DLG2: variants seen among roughly 807,000 people sequenced by gnomAD.
DLG2 encodes discs large MAGUK scaffold protein 2, also known as disks large homolog 2.
A neutral mutation model predicts 132.5 loss-of-function variants in DLG2; 45 were observed. The ratio of observed to expected loss-of-function variants is 0.34; its 90% CI spans 0.27 to 0.44. The LOEUF (loss-of-function observed/expected upper bound fraction) is 0.44. Among genes scored for constraint, DLG2 ranks in the 20% least tolerant of loss-of-function variants. DLG2 has a pLI of 1.00. For missense variants in DLG2, 1,045 were observed against 1,196.9 expected (o/e 0.87, Z 1.87); for synonymous variants, 424 against 419.6 (o/e 1.01, Z -0.13).
At chr11:84,160,388 T>G (rs2095520132) in intron 9 of DLG2, among the ~76,000 whole-genome samples, 1 of 152,180 alleles carries the variant, frequency 6.6e-6, no homozygotes, top group South Asian at 2.1e-4. Flanking sequence ...AGAAGTCAGT[T>G]AGGTCTGAGA....
chr11:85,009,583 A>G (rs1483784707), intron 6 of DLG2, among the ~76,000 whole-genome samples: 1 of 152,130 alleles, frequency 6.6e-6, no homozygotes, highest in African/African-American at 2.4e-5. Flanking sequence ...TACTCCTCAA[A>G]TTCATTTAAT....
chr11:84,094,385 A>C (rs1158569257), intron 10 of DLG2, among the ~76,000 whole-genome samples: 1 of 152,184 alleles, frequency 6.6e-6, no homozygotes, highest in East Asian at 1.9e-4. Context: ...ATAACCACTA[A>C]TTTAGAGTTC....
intron 3 of DLG2, among the ~76,000 whole-genome samples, chr11:85,522,996 G>T (rs1279458700): frequency 6.6e-6 from 1 of 152,186 alleles, no homozygotes; most frequent in Non-Finnish European, 1.5e-5. Flanking sequence ...TGAGATTTGG[G>T]AGGAGACAGG....
At chr11:84,227,188 G>C (rs2097012304) in intron 8 of DLG2, among the ~76,000 whole-genome samples, 1 of 152,024 alleles carries the variant, frequency 6.6e-6, no homozygotes, top group South Asian at 2.1e-4. Flanking sequence ...CATGGAGGAG[G>C]TGGCATTTCA....
Position 83,685,490 on chromosome 11 carries a change from G to C in DLG2, c.1826-52165C>G, listed in dbSNP as rs1426160509. On this transcript the variant is annotated intron_variant, in intron 18 of 27. Transcript: ENST00000376104. ...CTGAATCGATCATTGTCTCTGTTTG[G>C]TTATCAAGACCCCCTTGGTTTTTCT... Among the ~76,000 whole-genome samples the C allele has an allele frequency of 4.6e-5, 7 of 152,054 alleles. No individual in the cohort carries two copies. The East Asian group carries it at 1.2e-3, about 25-fold the overall frequency.
chr11:84,414,268 T>C (rs1251313154), intron 7 of DLG2, among the ~76,000 whole-genome samples: 2 of 152,228 alleles, frequency 1.3e-5, no homozygotes, highest in Non-Finnish European at 2.9e-5. Context: ...CATTTTATTA[T>C]AATCATTATT....
chr11:85,173,013 G>C (rs994045986), intron 4 of DLG2, among the ~76,000 whole-genome samples: 1 of 152,212 alleles, frequency 6.6e-6, no homozygotes, highest in African/African-American at 2.4e-5. Flanking sequence ...ACCTGAAAGA[G>C]ACAAGGAGAA....
intron 16 of DLG2, among the ~76,000 whole-genome samples, chr11:83,849,343 C>T (rs1516620): frequency 0.61 from 89,702 of 148,156 alleles, 27,334 homozygotes; most frequent in Middle Eastern, 0.67. Flanking sequence ...AAATAATAAA[C>T]AAATAAAAAA....
At chr11:84,206,305 C>T (rs1043613123) in intron 8 of DLG2, among the ~76,000 whole-genome samples, 2 of 152,046 alleles carry the variant, frequency 1.3e-5, no homozygotes, top group Non-Finnish European at 2.9e-5. Flanking sequence ...CTTGTAAATT[C>T]TACCAAATAT....
intron 6 of DLG2, among the ~76,000 whole-genome samples, chr11:85,049,357 A>G (rs548838344): frequency 1.3e-5 from 2 of 152,192 alleles, no homozygotes; most frequent in South Asian, 2.1e-4. Flanking sequence ...GTAAAGATCT[A>G]TCTGCTGTGT....
chr11:85,185,395 A>G (rs1388886201), intron 4 of DLG2, among the ~76,000 whole-genome samples: 2 of 152,008 alleles, frequency 1.3e-5, no homozygotes, highest in African/African-American at 2.4e-5. Context: ...AAATTTGGAT[A>G]TTTAGGAAGT....
Position 83,859,666 on chromosome 11 carries a change from G to T in DLG2, c.1565+14754C>A, listed in dbSNP as rs2061119948. On this transcript the variant is annotated intron_variant, in intron 16 of 27. Coordinates refer to ENST00000376104, the MANE Select transcript of DLG2 (RefSeq NM_001142699.3). ...TAGAAAAGAAAATCTCATTTTCTGA[G>T]GAGAAATTTAAGCCAGCTGCAGAAA... Among the ~76,000 whole-genome samples, 6 of 152,194 alleles carry T rather than the reference G, an allele frequency of 3.9e-5. No individual in the cohort carries two copies. In the South Asian group the frequency reaches 1.2e-3, roughly 32 times the overall value.
intron 7 of DLG2, among the ~76,000 whole-genome samples, chr11:84,393,893 TG>T (rs2098801730): frequency 6.6e-6 from 1 of 152,192 alleles, no homozygotes; most frequent in African/African-American, 2.4e-5. Flanking sequence ...CAATTTTTTT[TG>T]TTGTTTGTTT....
At chr11:83,644,560 T>A (rs2067559038) in intron 18 of DLG2, among the ~76,000 whole-genome samples, 1 of 152,112 alleles carries the variant, frequency 6.6e-6, no homozygotes, top group African/African-American at 2.4e-5. Flanking sequence ...TTCCTATTTA[T>A]CATATTAATA....
intron 4 of DLG2, among the ~76,000 whole-genome samples, chr11:85,217,255 A>G (rs1055691762): frequency 3.3e-5 from 5 of 151,548 alleles, no homozygotes; most frequent in Admixed American, 1.3e-4. Flanking sequence ...CAATCCTTTA[A>G]AGGTCACACT....
At chr11:85,360,348 G>T (rs2084051445) in intron 3 of DLG2, among the ~76,000 whole-genome samples, 1 of 152,136 alleles carries the variant, frequency 6.6e-6, no homozygotes, top group African/African-American at 2.4e-5. Flanking sequence ...TGTAGGAGGA[G>T]AATAATATTA....
At chr11:85,135,487 GCAGA>G (rs1034778899) in intron 5 of DLG2, among the ~76,000 whole-genome samples, 1 of 152,174 alleles carries the variant, frequency 6.6e-6, no homozygotes, top group African/African-American at 2.4e-5. Context: ...TTGCAGAGAG[GCAGA>G]CACTTAGAGA....
At chr11:83,872,485 A>G (rs1267427449) in intron 16 of DLG2, among the ~76,000 whole-genome samples, 1 of 152,210 alleles carries the variant, frequency 6.6e-6, no homozygotes, top group African/African-American at 2.4e-5. Context: ...GGGACAATAG[A>G]TCACTATGAA....
chr11:84,653,034 T>A (rs2099684008), intron 6 of DLG2, among the ~76,000 whole-genome samples: 1 of 151,348 alleles, frequency 6.6e-6, no homozygotes, highest in Non-Finnish European at 1.5e-5. Context: ...CGGGTCCAAG[T>A]GATTCCTGCC....
Sources: gnomAD v4.1 joint callset for allele counts (sites outside exome capture counted in the v4.1 genomes callset) on GRCh38, gnomAD v4.1.1 for gene constraint, MANE v1.5 for transcripts, NCBI Gene and HGNC (gene_info 2026-07-23, HGNC 2026-07-21) for gene names.